Variants in ATG10 observed in about 807,000 individuals in gnomAD.
ATG10 encodes the protein ubiquitin-like-conjugating enzyme ATG10.
ATG10 carries 30 observed loss-of-function variants against 32.1 expected under a neutral mutation model. That is an observed-to-expected ratio of 0.94 (90% CI 0.70 to 1.27). The LOEUF is 1.27. ATG10 is among the 50% of genes most tolerant of loss of function. The pLI, the probability that ATG10 is intolerant of heterozygous loss-of-function variation, is 0.00. For missense variants in ATG10, 233 were observed against 262.3 expected, an observed-to-expected ratio of 0.89 and a Z score of 0.77; for synonymous variants, 87 against 91.5, an observed-to-expected ratio of 0.95 and a Z score of 0.28.
At chr5:82,109,219 T>C (rs1272950014) in intron 3 of ATG10, among the ~76,000 whole-genome samples, 1 of 152,044 alleles carries the variant, frequency 6.6e-6, no homozygotes, top group African/African-American at 2.4e-5. Context: ...ATTCTTGCTG[T>C]GTGCAAGGCC....
At chr5:82,044,298 G>A (rs938504883) in intron 2 of ATG10, among the ~76,000 whole-genome samples, 1 of 152,002 alleles carries the variant, frequency 6.6e-6, no homozygotes, top group African/African-American at 2.4e-5. Flanking sequence ...ACTATTATGA[G>A]AACAGCAAGG....
chr5:82,178,877 A>G (rs994325761), intron 5 of ATG10, among the ~76,000 whole-genome samples: 3 of 152,138 alleles, frequency 2.0e-5, no homozygotes, highest in Non-Finnish European at 4.4e-5. Flanking sequence ...TGTCTTCTCC[A>G]CTATACAGAT....
intron 3 of ATG10, among the ~76,000 whole-genome samples, chr5:82,146,423 T>A (rs935145627): frequency 3.3e-5 from 5 of 152,048 alleles, no homozygotes; most frequent in Non-Finnish European, 7.4e-5. Context: ...ATTTTTAGAG[T>A]GGTTGTCTAA....
chr5:82,187,616 T>C (rs1044401547), intron 5 of ATG10, among the ~76,000 whole-genome samples: 2 of 152,056 alleles, frequency 1.3e-5, no homozygotes, highest in African/African-American at 4.8e-5. Flanking sequence ...TTCGCTCTTG[T>C]TGCCCAGGCT....
chr5:82,061,516 G>A (rs1270906858), intron 3 of ATG10, among the ~76,000 whole-genome samples: 1 of 151,768 alleles, frequency 6.6e-6, no homozygotes, highest in Non-Finnish European at 1.5e-5. Flanking sequence ...GAGGTAAGAT[G>A]ACTCAATGAG....
rs555277394 is a variant in ATG10, at chr5:82,251,939, A to G, written c.454-623A>G. Among the ~76,000 whole-genome samples, 3 of 152,286 alleles carry G rather than the reference A, an allele frequency of 2.0e-5. No individual in the cohort carries two copies. In the South Asian group the frequency reaches 6.2e-4, roughly 32 times the overall value. On this transcript the variant is annotated intron_variant, in intron 5 of 7. Coordinates refer to ENST00000282185, the MANE Select transcript of ATG10 (RefSeq NM_031482.5). ...AGCCCTGTAGGCTTGGGAGAGACAG[A>G]AGGAGAGAAATGAGGAAAAAGAAAA...
chr5:82,050,031 C>T (rs370851110), intron 2 of ATG10, among the ~76,000 whole-genome samples: 1 of 152,028 alleles, frequency 6.6e-6, no homozygotes, highest in East Asian at 1.9e-4. Flanking sequence ...CTCCTCTGAC[C>T]CAATTTTGTA....
chr5:82,129,290 A>G (rs1348836719), intron 3 of ATG10, among the ~76,000 whole-genome samples: 1 of 151,886 alleles, frequency 6.6e-6, no homozygotes, highest in East Asian at 2.0e-4. Flanking sequence ...GGGTTAGAAC[A>G]TGCTCCTTTA....
intron 4 of ATG10, among the ~76,000 whole-genome samples, chr5:82,167,183 G>C (rs767091054): frequency 4.2e-4 from 64 of 152,136 alleles, no homozygotes; most frequent in South Asian, 1.0e-3. Flanking sequence ...TCGCTCCCAT[G>C]TCATGTCATG....
chr5:81,987,788 T>G (rs1761333110), intron 2 of ATG10, 110 bp downstream of exon 2: 1 of 747,744 alleles, frequency 1.3e-6, no homozygotes, highest in Non-Finnish European at 2.2e-6. Flanking sequence ...GTATGAAAAC[T>G]GGTTTGATTT....
At chr5:82,117,918 G>A (rs1765873026) in intron 3 of ATG10, among the ~76,000 whole-genome samples, 1 of 152,014 alleles carries the variant, frequency 6.6e-6, no homozygotes, top group Non-Finnish European at 1.5e-5. Context: ...GAGGATTGTG[G>A]CACTATCACA....
chr5:82,188,321 A>T (rs1337667574), intron 5 of ATG10, among the ~76,000 whole-genome samples: 3 of 152,178 alleles, frequency 2.0e-5, no homozygotes, highest in Non-Finnish European at 4.4e-5. Flanking sequence ...CATCAAAGTT[A>T]CACTTTTGAC....
intron 3 of ATG10, among the ~76,000 whole-genome samples, chr5:82,146,864 G>A (rs1767379238): frequency 6.6e-6 from 1 of 151,972 alleles, no homozygotes; most frequent in African/African-American, 2.4e-5. Flanking sequence ...CTGTTTTGAA[G>A]TTTTTATTTG....
At chr5:82,139,514 A>C (rs1190903824) in intron 3 of ATG10, among the ~76,000 whole-genome samples, 1 of 135,102 alleles carries the variant, frequency 7.4e-6, no homozygotes, top group African/African-American at 2.9e-5. Context: ...GGATGTGAGG[A>C]GCGCCTCTGC....
At chr5:81,999,015 C>T (rs771860885) in intron 2 of ATG10, among the ~76,000 whole-genome samples, 62 of 151,986 alleles carry the variant, frequency 4.1e-4, no homozygotes, top group Non-Finnish European at 6.9e-4. Context: ...CTGAACTCAA[C>T]ACTTGACAAA....
chr5:82,159,805 G>GT (rs2149893699), intron 3 of ATG10, among the ~76,000 whole-genome samples: 1 of 152,116 alleles, frequency 6.6e-6, no homozygotes, highest in African/African-American at 2.4e-5. Context: ...ATTTTATTTA[G>GT]TTTTTAACAA....
chr5:82,172,917 A>T (rs1451320391), intron 4 of ATG10, among the ~76,000 whole-genome samples: 1 of 152,188 alleles, frequency 6.6e-6, no homozygotes, highest in Non-Finnish European at 1.5e-5. Flanking sequence ...TCACAATATA[A>T]TTTTCTCACT....
At chr5:82,004,421 TTATAGGA>T (rs1022525431) in intron 2 of ATG10, among the ~76,000 whole-genome samples, 25 of 152,222 alleles carry the variant, frequency 1.6e-4, no homozygotes, top group African/African-American at 5.8e-4. Context: ...ATAGAATCAG[TTATAGGA>T]AATCAGGAGA....
At chr5:82,183,927 A>T (rs568598874) in intron 5 of ATG10, among the ~76,000 whole-genome samples, 1 of 152,304 alleles carries the variant, frequency 6.6e-6, no homozygotes, top group South Asian at 2.1e-4. Flanking sequence ...AGTTTACCTC[A>T]TCTTTAGCCA....
Sources: gnomAD v4.1 joint callset for allele counts (sites outside exome capture counted in the v4.1 genomes callset) on GRCh38, gnomAD v4.1.1 for gene constraint, MANE v1.5 for transcripts, NCBI Gene and HGNC (gene_info 2026-07-23, HGNC 2026-07-21) for gene names.